CAMTA1: variants seen among roughly 807,000 people sequenced by gnomAD.
The protein encoded by CAMTA1 is calmodulin-binding transcription activator 1.
A neutral mutation model predicts 170.9 loss-of-function variants in CAMTA1; 27 were observed. That is an observed-to-expected ratio of 0.16 (90% confidence interval 0.12 to 0.22). CAMTA1 has a LOEUF of 0.22. Ranked by LOEUF, CAMTA1 falls within the 10% of genes least tolerant of loss-of-function variation. CAMTA1 has a pLI of 1.00. For missense variants in CAMTA1, 1,619 were observed against 2,217.2 expected (o/e 0.73, Z 5.42); for synonymous variants, 833 against 891.5 (o/e 0.93, Z 1.17).
In CAMTA1 at chr1:7,736,583, C is replaced by G; in HGVS notation, c.3263+43C>G. 1 of 1,572,550 alleles carries G rather than the reference C, an allele frequency of 6.4e-7. No homozygotes were observed. Among genetic ancestry groups the G allele is most frequent in the Admixed American group, 1.7e-5 (1 of 59,858 alleles). On this transcript the variant is annotated intron_variant, in intron 13 of 22. Coordinates refer to ENST00000303635, the MANE Select transcript of CAMTA1 (RefSeq NM_015215.4). The surrounding 1 kb of genome is among the most constrained non-coding windows in gnomAD (Gnocchi z 4.5). ...CTGGCTGGGGGTCAGCCTCGCACAT[C>G]CTCGCTCACATTCTTCCTGAGCACT...
chr1:6,928,654 A>T (rs1420366590), intron 3 of CAMTA1, among the ~76,000 whole-genome samples: 1 of 152,022 alleles, frequency 6.6e-6, no homozygotes, highest in African/African-American at 2.4e-5. Context: ...CAATTTGAAG[A>T]TCTCCCAGCT....
intron 4 of CAMTA1, among the ~76,000 whole-genome samples, chr1:7,098,141 A>C (rs1308013694): frequency 1.3e-5 from 2 of 151,830 alleles, no homozygotes; most frequent in Non-Finnish European, 2.9e-5. Context: ...GTGCGTGCGC[A>C]TGCGTGTGTG....
At chr1:6,854,646 A>G (rs958038286) in intron 3 of CAMTA1, among the ~76,000 whole-genome samples, 2 of 152,234 alleles carry the variant, frequency 1.3e-5, no homozygotes, top group African/African-American at 4.8e-5. Context: ...TTATAGAGTA[A>G]ATCTCAACAG....
rs1224239279 is a variant in CAMTA1, at chr1:7,014,585, T to C, written c.235-76719T>C. ...GTATAGGGAGCAATGGCCGAGCTTCTGTTTTAAGGCAGCAAAACAGCGTGC... is the reference window on the plus strand; with the variant it reads ...GTATAGGGAGCAATGGCCGAGCTTCCGTTTTAAGGCAGCAAAACAGCGTGC... On this transcript the variant is annotated intron_variant, in intron 3 of 22. Coordinates refer to ENST00000303635, the MANE Select transcript of CAMTA1 (RefSeq NM_015215.4). The surrounding 1 kb of genome is among the most constrained non-coding windows in gnomAD (Gnocchi z 4.2). 2.0e-5 allele frequency among the ~76,000 whole-genome samples: 3 copies of C among 152,228 alleles called. No individual in the cohort carries two copies. Among genetic ancestry groups the C allele is most frequent in the African/African-American group, 4.8e-5 (2 of 41,466 alleles).
chr1:7,468,814 C>T (rs541702338), intron 6 of CAMTA1, among the ~76,000 whole-genome samples: 1 of 152,300 alleles, frequency 6.6e-6, no homozygotes, highest in African/African-American at 2.4e-5. Context: ...TTAGGGATCT[C>T]TCTGACCTGG....
intron 5 of CAMTA1, among the ~76,000 whole-genome samples, chr1:7,331,476 A>G (rs1343420466): frequency 1.3e-5 from 2 of 152,208 alleles, no homozygotes; most frequent in African/African-American, 4.8e-5. Context: ...CTGTATTTGC[A>G]TTAAAACTGA....
chr1:7,677,133 C>A (rs2096129475), intron 10 of CAMTA1, among the ~76,000 whole-genome samples: 1 of 152,184 alleles, frequency 6.6e-6, no homozygotes, highest in South Asian at 2.1e-4. Context: ...CAAGGGATGG[C>A]TGGCTGTTCA....
At chr1:6,855,917 TGCATGGCCAAGAAGTTGCTG>T (rs1020150500) in intron 3 of CAMTA1, among the ~76,000 whole-genome samples, 3 of 152,188 alleles carry the variant, frequency 2.0e-5, no homozygotes, top group African/African-American at 7.2e-5. Flanking sequence ...GCTGGTTTAC[TGCATGGCCAAGAAGTTGCTG>T]GCATGTCATA....
chr1:7,155,389 G>GT (rs35499006), intron 4 of CAMTA1, among the ~76,000 whole-genome samples: 46,004 of 150,190 alleles, frequency 0.31, 7,526 homozygotes, highest in Admixed American at 0.36. Flanking sequence ...GGCACCGTTG[G>GT]GGGGGGGATT....
intron 3 of CAMTA1, chr1:7,008,841 G>T (rs1364852078): frequency 6.6e-6 from 1 of 152,220 alleles, no homozygotes; most frequent in African/African-American, 2.4e-5. Context: ...TTTAGTGAAT[G>T]AAATATTTAA....
chr1:7,380,312 C>T (rs568907952), intron 5 of CAMTA1, among the ~76,000 whole-genome samples: 23 of 152,260 alleles, frequency 1.5e-4, no homozygotes, highest in Admixed American at 6.5e-4. Context: ...CGGTGGCTCA[C>T]GCCTCTAATT....
At chr1:7,486,108 A>G (rs537717556) in intron 6 of CAMTA1, among the ~76,000 whole-genome samples, 2 of 152,342 alleles carry the variant, frequency 1.3e-5, no homozygotes, top group South Asian at 4.1e-4. Context: ...TCAGGAAGAG[A>G]CATGCAACTG....
At chr1:7,669,950 C>T (rs937437290) in intron 9 of CAMTA1, among the ~76,000 whole-genome samples, 2 of 152,250 alleles carry the variant, frequency 1.3e-5, no homozygotes, top group East Asian at 1.9e-4. Flanking sequence ...GCCCGGGCCC[C>T]GGACATGAGG....
At chr1:7,431,346 G>T (rs559095832) in intron 5 of CAMTA1, among the ~76,000 whole-genome samples, 1 of 152,238 alleles carries the variant, frequency 6.6e-6, no homozygotes, top group Non-Finnish European at 1.5e-5. Flanking sequence ...CAGCCTCTGA[G>T]TAAGCCTGGC....
At chr1:7,246,391 A>G (rs6577426) in intron 4 of CAMTA1, among the ~76,000 whole-genome samples, 80,970 of 152,078 alleles carry the variant, frequency 0.53, 22,512 homozygotes, top group South Asian at 0.63. Flanking sequence ...GGTACCGGGC[A>G]CACAGTAAAT....
chr1:7,404,212 G>A (rs543519686), intron 5 of CAMTA1, among the ~76,000 whole-genome samples: 3 of 152,180 alleles, frequency 2.0e-5, no homozygotes, highest in Non-Finnish European at 2.9e-5. Flanking sequence ...ATTGGCCAAC[G>A]AGCTCGCCAC....
intron 5 of CAMTA1, among the ~76,000 whole-genome samples, chr1:7,451,040 A>G (rs1575403574): frequency 6.6e-6 from 1 of 152,170 alleles, no homozygotes; most frequent in African/African-American, 2.4e-5. Flanking sequence ...CTGCATTAAT[A>G]GATGTAGGCT....
rs6685497 is a variant in CAMTA1 at position 6,971,165 on chromosome 1, T to A, written c.235-120139T>A. On this transcript the variant is annotated intron_variant, in intron 3 of 22. Transcript: ENST00000303635. This position sits in a 1 kb window ranked among gnomAD's most constrained non-coding sequence, Gnocchi z 4.6. ...AGAAACCTTGAAGTAATTAACAGAG[T>A]GAGCATGAGACGTTCCTGCTGGAGA... Among the ~76,000 whole-genome samples the A allele has an allele frequency of 0.49, 74,714 of 151,882 alleles. 18,876 individuals carry two copies. The highest frequency in any genetic ancestry group is 0.63 in the East Asian group (3,255 of 5,158).
At chr1:6,917,849 GGC>G (rs528309243) in intron 3 of CAMTA1, among the ~76,000 whole-genome samples, 21,287 of 68,674 alleles carry the variant, frequency 0.31, 2,330 homozygotes, top group Admixed American at 0.46. Context: ...ACCCATCGGG[GGC>G]GGGGGGGGAC....
Sources: gnomAD v4.1 joint callset for allele counts (sites outside exome capture counted in the v4.1 genomes callset) on GRCh38, gnomAD v4.1.1 for gene constraint, Gnocchi (gnomAD v3.1) non-coding constraint, MANE v1.5 for transcripts, NCBI Gene and HGNC (gene_info 2026-07-23, HGNC 2026-07-21) for gene names.